LUZP2: variants seen among roughly 807,000 people sequenced by gnomAD.
LUZP2 encodes the protein leucine zipper protein 2.
Under a neutral mutation model 51.6 loss-of-function variants are expected in LUZP2, and 52 were observed. That is an observed-to-expected ratio of 1.01 (90% CI 0.81 to 1.27). The LOEUF (loss-of-function observed/expected upper bound fraction) is 1.27. LUZP2 is among the 50% of genes most tolerant of loss of function. The probability of loss-of-function intolerance (pLI) is 0.00; values close to 1 mark genes in which losing one functional copy is unlikely to be tolerated. For synonymous variants in LUZP2, 154 were observed against 137.3 expected, an observed-to-expected ratio of 1.12 and a Z score of -0.85; for missense variants, 436 against 395.4, an observed-to-expected ratio of 1.10 and a Z score of -0.87.
intron 4 of LUZP2, among the ~76,000 whole-genome samples, chr11:24,753,429 G>A (rs1485689418): frequency 6.6e-6 from 1 of 152,092 alleles, no homozygotes; most frequent in Non-Finnish European, 1.5e-5. Flanking sequence ...AGGGTATAGG[G>A]CAAGATTCTC....
At chr11:24,544,157 G>T (rs1175020398) in intron 1 of LUZP2, among the ~76,000 whole-genome samples, 1 of 152,024 alleles carries the variant, frequency 6.6e-6, no homozygotes, top group Non-Finnish European at 1.5e-5. Flanking sequence ...ACAACTGGGG[G>T]TGATGCAGGA....
At chr11:24,854,325 A>T (rs1851485840) in intron 5 of LUZP2, among the ~76,000 whole-genome samples, 1 of 152,202 alleles carries the variant, frequency 6.6e-6, no homozygotes, top group Admixed American at 6.5e-5. Flanking sequence ...TGGCCCAGAG[A>T]GAAGGAATGT....
At chr11:24,883,020 G>A (rs1852536598) in intron 5 of LUZP2, among the ~76,000 whole-genome samples, 1 of 151,784 alleles carries the variant, frequency 6.6e-6, no homozygotes, top group African/African-American at 2.4e-5. Flanking sequence ...GAGAAAAAAA[G>A]AAAAGAGAAG....
At chr11:24,899,067 T>G (rs959657981) in intron 5 of LUZP2, among the ~76,000 whole-genome samples, 1 of 152,174 alleles carries the variant, frequency 6.6e-6, no homozygotes, top group Non-Finnish European at 1.5e-5. Context: ...GATACAGTGA[T>G]GTAATAAACT....
chr11:24,724,887 T>C (rs558230480), intron 1 of LUZP2, among the ~76,000 whole-genome samples: 7 of 152,184 alleles, frequency 4.6e-5, no homozygotes, highest in African/African-American at 1.7e-4. Flanking sequence ...ATTTAGACAA[T>C]TAAATGGAGA....
chr11:24,749,087 C>A (rs980109500), intron 4 of LUZP2, among the ~76,000 whole-genome samples: 1 of 152,138 alleles, frequency 6.6e-6, no homozygotes, highest in Non-Finnish European at 1.5e-5. Flanking sequence ...CATAGCCATA[C>A]CCCCTTCTAA....
intron 1 of LUZP2, among the ~76,000 whole-genome samples, chr11:24,600,213 A>G (rs1159385507): frequency 8.1e-6 from 1 of 123,342 alleles, no homozygotes; most frequent in Non-Finnish European, 1.8e-5. Flanking sequence ...ACACACACAC[A>G]CACACGCACA....
chr11:24,874,027 T>G (rs1480695739), intron 5 of LUZP2, among the ~76,000 whole-genome samples: 1 of 152,158 alleles, frequency 6.6e-6, no homozygotes, highest in African/African-American at 2.4e-5. Context: ...TAACTATTAA[T>G]GGGAAGAGAT....
chr11:24,702,064 C>T (rs6484067), intron 1 of LUZP2, among the ~76,000 whole-genome samples: 83,240 of 151,978 alleles, frequency 0.55, 23,495 homozygotes, highest in African/African-American at 0.69. Context: ...GTTGTGTTTT[C>T]CTAATAACAT....
At chr11:24,498,308 A>G (rs1849892034) in intron 1 of LUZP2, among the ~76,000 whole-genome samples, 1 of 152,220 alleles carries the variant, frequency 6.6e-6, no homozygotes, top group Non-Finnish European at 1.5e-5. Flanking sequence ...GATGGCAAAT[A>G]AAGTAGGGAT....
intron 1 of LUZP2, among the ~76,000 whole-genome samples, chr11:24,590,979 C>A (rs1047401819): frequency 6.6e-6 from 1 of 152,114 alleles, no homozygotes; most frequent in Non-Finnish European, 1.5e-5. Flanking sequence ...AGCAAGGTGG[C>A]TCACACCTGT....
intron 1 of LUZP2, among the ~76,000 whole-genome samples, chr11:24,708,373 A>T (rs942430312): frequency 4.6e-5 from 7 of 152,158 alleles, no homozygotes; most frequent in Admixed American, 4.6e-4. Context: ...CATTAGAAAG[A>T]GTCATCTGGA....
intron 1 of LUZP2, among the ~76,000 whole-genome samples, chr11:24,601,951 A>ATATGTATATATGTATAT (rs1565019800): frequency 2.1e-5 from 2 of 93,184 alleles, no homozygotes; most frequent in African/African-American, 9.2e-5. Context: ...TATATGTATA[A>ATATGTATATATGTATAT]ATGTATATAT....
chr11:24,802,923 C>T (rs527867494), intron 5 of LUZP2, among the ~76,000 whole-genome samples: 23 of 152,138 alleles, frequency 1.5e-4, no homozygotes, highest in Non-Finnish European at 2.5e-4. Flanking sequence ...TTCTACCAGA[C>T]GCTGAATCTC....
intron 1 of LUZP2, among the ~76,000 whole-genome samples, chr11:24,506,204 G>A (rs114960219): frequency 2.6e-3 from 398 of 152,214 alleles, no homozygotes; most frequent in African/African-American, 9.4e-3. Context: ...TTGGAATGTA[G>A]CGTGCTTGGA....
intron 1 of LUZP2, among the ~76,000 whole-genome samples, chr11:24,695,858 T>A (rs1446734279): frequency 9.9e-5 from 15 of 151,644 alleles, no homozygotes; most frequent in Admixed American, 9.9e-4. Flanking sequence ...AGCATTCGAG[T>A]GAAAATTTAA....
chr11:25,032,554 CTTTTA>C (rs964771425), intron 9 of LUZP2, among the ~76,000 whole-genome samples: 1 of 152,074 alleles, frequency 6.6e-6, no homozygotes, highest in African/African-American at 2.4e-5. Flanking sequence ...GTTGTTGAGT[CTTTTA>C]TTTTATTTTA....
intron 1 of LUZP2, among the ~76,000 whole-genome samples, chr11:24,724,134 T>A (rs1436373578): frequency 1.3e-5 from 2 of 152,228 alleles, no homozygotes; most frequent in Non-Finnish European, 2.9e-5. Flanking sequence ...ATACTTCAAG[T>A]GTGTCCTTGG....
At chr11:24,859,567 A>T (rs200336192) in intron 5 of LUZP2, among the ~76,000 whole-genome samples, 1 of 108,896 alleles carries the variant, frequency 9.2e-6, no homozygotes, top group Non-Finnish European at 2.0e-5. Context: ...CAAAATGGCA[A>T]CTAGAAGCAT....
Sources: gnomAD v4.1 joint callset for allele counts (sites outside exome capture counted in the v4.1 genomes callset) on GRCh38, gnomAD v4.1.1 for gene constraint, MANE v1.5 for transcripts, NCBI Gene and HGNC (gene_info 2026-07-23, HGNC 2026-07-21) for gene names.